EFHC1: variants seen among roughly 807,000 people sequenced by gnomAD.
The protein encoded by EFHC1 is EF-hand domain containing 1.
A neutral mutation model predicts 69.9 loss-of-function variants in EFHC1; 53 were observed. The ratio of observed to expected loss-of-function variants is 0.76; its 90% confidence interval spans 0.61 to 0.95. EFHC1 has a LOEUF of 0.95. Among genes scored for constraint, EFHC1 ranks in the 40% least tolerant of loss-of-function variants. EFHC1 has a pLI of 0.00. For synonymous variants in EFHC1, 256 were observed against 278.4 expected, an observed-to-expected ratio of 0.92 and a Z score of 0.80; for missense variants, 739 against 798.7, an observed-to-expected ratio of 0.93 and a Z score of 0.90.
rs534481534 is a variant in EFHC1, at chr6:52,495,017, A to C, written c.*2676A>C. ...TTGGTGAGTTCTTAGAACTCTTTCC[A>C]ACCGGAAACTGCCCAGTGCACCACT... On this transcript the variant is annotated 3_prime_UTR_variant, in exon 11 of 11. Transcript: ENST00000371068. 9 of 453,944 alleles carry C rather than the reference A, an allele frequency of 2.0e-5. No homozygotes were observed. Among genetic ancestry groups the C allele is most frequent in the Non-Finnish European group, 4.0e-5 (9 of 226,796 alleles). 28.1% of individuals were successfully genotyped at this position (453,944 alleles called of 1,614,324 possible).
intron 7 of EFHC1, among the ~76,000 whole-genome samples, chr6:52,475,812 T>C (rs1325825758): frequency 1.3e-5 from 2 of 152,192 alleles, no homozygotes; most frequent in Admixed American, 6.5e-5. Flanking sequence ...GATAGACAAA[T>C]ATTTGCTCTC....
intron 9 of EFHC1, chr6:52,483,191 G>C (rs1765716589): frequency 4.5e-6 from 1 of 222,536 alleles, no homozygotes; most frequent in Non-Finnish European, 8.7e-6. Context: ...ATTACTCATA[G>C]TTATTAACTG....
intron 3 of EFHC1, among the ~76,000 whole-genome samples, chr6:52,443,114 G>A (rs1285457800): frequency 6.6e-6 from 1 of 152,096 alleles, no homozygotes; most frequent in Non-Finnish European, 1.5e-5. Context: ...CATATCCTTC[G>A]CCCACTTTTT....
At chr6:52,434,629 A>G (rs1764490282) in intron 2 of EFHC1, among the ~76,000 whole-genome samples, 1 of 152,090 alleles carries the variant, frequency 6.6e-6, no homozygotes, top group Non-Finnish European at 1.5e-5. Context: ...TCCTGGAGCA[A>G]AAAAGCTCAC....
Position 52,438,471 on chromosome 6 carries a change from C to T in EFHC1, c.453C>T (p.Arg151=), listed in dbSNP as rs1411801051. 4 of 1,613,966 alleles carry T rather than the reference C, an allele frequency of 2.5e-6. No individual in the cohort carries two copies. The South Asian group carries it at 4.4e-5, about 18-fold the overall frequency. The change falls in exon 3 of 11, where the codon CGC becomes CGT. Residue 151 remains arginine, a synonymous_variant. Coordinates refer to ENST00000371068, the MANE Select transcript of EFHC1 (RefSeq NM_018100.4). ...TCCTTCAAGGCAAGTTAATAAAACG[C>T]CAGCGGCTAGCCAAGAATGACCGGG... ...SGILQGKLIK[R]QRLAKNDRGD...
At chr6:52,439,129 G>A (rs934877038) in intron 3 of EFHC1, among the ~76,000 whole-genome samples, 36 of 152,026 alleles carry the variant, frequency 2.4e-4, no homozygotes, top group Non-Finnish European at 5.1e-4. Context: ...CCTCTATTTC[G>A]TAAGTTTGGA....
At chr6:52,463,562 C>T (rs923364795) in intron 5 of EFHC1, among the ~76,000 whole-genome samples, 3 of 151,960 alleles carry the variant, frequency 2.0e-5, no homozygotes, top group African/African-American at 7.3e-5. Flanking sequence ...CCAGTGAAAC[C>T]AAAGTCACCA....
In EFHC1 at chr6:52,479,201, C is replaced by A. The variant is rs186911667; in HGVS notation, c.1443C>A (p.Asn481Lys). Residue 481 changes from asparagine to lysine, a missense_variant, in exon 8 of 11, where the codon AAC becomes AAA. Coordinates refer to ENST00000371068, the MANE Select transcript of EFHC1 (RefSeq NM_018100.4). ...KVVKPYSTVDNPVYYGPSDFF... is the reference protein window; with the variant it reads ...KVVKPYSTVDKPVYYGPSDFF... ...TTAAACCATACTCTACAGTGGACAA[C>A]CCTGTCTACTATGGCCCCAGTGACT... 6.2e-7 allele frequency: 1 copy of A among 1,614,088 alleles called. No homozygotes were observed. Among genetic ancestry groups the A allele is most frequent in the Non-Finnish European group, 8.5e-7 (1 of 1,179,984 alleles).
intron 3 of EFHC1, among the ~76,000 whole-genome samples, chr6:52,439,550 A>G (rs931030650): frequency 2.0e-5 from 3 of 152,166 alleles, no homozygotes; most frequent in African/African-American, 7.2e-5. Flanking sequence ...TTGCCCCTAT[A>G]GAGGTTCCAA....
intron 4 of EFHC1, chr6:52,453,448 C>T: frequency 7.8e-7 from 1 of 1,287,158 alleles, no homozygotes; most frequent in Non-Finnish European, 1.0e-6. Flanking sequence ...GAAGAGATCA[C>T]CCTCAGTGCT....
At chr6:52,473,731 G>A (rs1014999858) in intron 7 of EFHC1, among the ~76,000 whole-genome samples, 6 of 152,082 alleles carry the variant, frequency 3.9e-5, no homozygotes, top group Admixed American at 1.3e-4. Flanking sequence ...GCAGTGAGCC[G>A]AGACTGAGCC....
intron 8 of EFHC1, 53 bp from the exon 9 acceptor site, chr6:52,479,587 T>C (rs557701954): frequency 8.1e-5 from 131 of 1,612,978 alleles, no homozygotes; most frequent in Non-Finnish European, 1.1e-4. Flanking sequence ...ATTTTACTCC[T>C]GATTGCGTGA....
At position 52,494,516 on chromosome 6, in the gene EFHC1, TGTC is replaced by T. The variant is rs536874738; in HGVS notation, c.*2178_*2180del. 266 of 454,154 alleles carry T rather than the reference TGTC, an allele frequency of 5.9e-4. 1 individual carries two copies. The highest frequency in any genetic ancestry group is 5.0e-3 in the African/African-American group (249 of 50,134). 28.1% of individuals were successfully genotyped at this position (454,154 alleles called of 1,614,324 possible). A position where few individuals can be genotyped will look rare whatever the true frequency, so the allele number is the denominator to read the frequency against. ...AAAGTCTTATTTCTGTGGCTAGTAA[TGTC>T]GTAATGTGGGGCCAGGTCTGAGTGA... On this transcript the variant is annotated 3_prime_UTR_variant, in exon 11 of 11. Coordinates refer to ENST00000371068, the MANE Select transcript of EFHC1 (RefSeq NM_018100.4).
At chr6:52,444,297 T>C (rs543573631) in intron 3 of EFHC1, among the ~76,000 whole-genome samples, 80 of 152,332 alleles carry the variant, frequency 5.3e-4, no homozygotes, top group Non-Finnish European at 1.0e-3. Flanking sequence ...TCTTGCCTGA[T>C]TGCCCTGGCC....
intron 5 of EFHC1, among the ~76,000 whole-genome samples, chr6:52,456,581 G>A (rs1765049342): frequency 2.0e-5 from 3 of 152,086 alleles, no homozygotes; most frequent in Admixed American, 2.0e-4. Context: ...AAAGTTGCAT[G>A]GAGAGGCAGC....
At chr6:52,463,663 G>A (rs1236711230) in intron 5 of EFHC1, among the ~76,000 whole-genome samples, 2 of 152,168 alleles carry the variant, frequency 1.3e-5, no homozygotes, top group Non-Finnish European at 2.9e-5. Flanking sequence ...AGCATTATAT[G>A]AAAAAATAAT....
chr6:52,461,883 T>C (rs1001457679), intron 5 of EFHC1, among the ~76,000 whole-genome samples: 1 of 152,156 alleles, frequency 6.6e-6, no homozygotes. Flanking sequence ...ATATTTTATT[T>C]ACTAGGAAAA....
intron 7 of EFHC1, among the ~76,000 whole-genome samples, chr6:52,475,228 A>G (rs1765521635): frequency 6.6e-6 from 1 of 152,196 alleles, no homozygotes; most frequent in African/African-American, 2.4e-5. Context: ...TTCTTGAGGA[A>G]GAAAGGGTGC....
rs115160240 is a variant in EFHC1 at position 52,437,256 on chromosome 6, G to A, written c.286-1048G>A. Among the ~76,000 whole-genome samples the A allele has an allele frequency of 7.7e-3, 1,166 of 152,256 alleles. 16 individuals carry two copies. The highest frequency in any genetic ancestry group is 0.026 in the African/African-American group (1,083 of 41,532). On this transcript the variant is annotated intron_variant, in intron 2 of 10. Coordinates refer to ENST00000371068, the MANE Select transcript of EFHC1 (RefSeq NM_018100.4). ...AAGTGCAATTAACCCTTCATTTTCA[G>A]TTTGAAACCAAAAATCGCAATCTTA...
Sources: gnomAD v4.1 joint callset for allele counts (sites outside exome capture counted in the v4.1 genomes callset) on GRCh38, gnomAD v4.1.1 for gene constraint, MANE v1.5 for transcripts, NCBI Gene and HGNC (gene_info 2026-07-23, HGNC 2026-07-21) for gene names.